Variants in POU6F2 observed in about 807,000 individuals in gnomAD.
POU6F2 encodes POU class 6 homeobox 2.
A neutral mutation model predicts 71.3 loss-of-function variants in POU6F2; 31 were observed. The observed-to-expected ratio is 0.43, with a 90% CI of 0.33 to 0.59. The LOEUF is 0.59. Among genes scored for constraint, POU6F2 ranks in the 20% least tolerant of loss-of-function variants. POU6F2 has a pLI of 0.04. For synonymous variants in POU6F2, 347 were observed against 355.7 expected (o/e 0.98, Z 0.27); for missense variants, 783 against 856.8 (o/e 0.91, Z 1.07).
chr7:39,171,479 T>G (rs1793218122), intron 2 of POU6F2, among the ~76,000 whole-genome samples: 2 of 152,200 alleles, frequency 1.3e-5, no homozygotes, highest in Non-Finnish European at 2.9e-5. Flanking sequence ...TATTTAGATT[T>G]AGATTTTTCT....
chr7:39,209,214 A>G (rs1056787272), intron 4 of POU6F2, among the ~76,000 whole-genome samples: 12 of 152,150 alleles, frequency 7.9e-5, no homozygotes, highest in African/African-American at 2.4e-4. Flanking sequence ...ATCAAAGTTC[A>G]TTATTAGCGT....
At chr7:39,430,938 T>C (rs139783803) in intron 6 of POU6F2, among the ~76,000 whole-genome samples, 37 of 152,290 alleles carry the variant, frequency 2.4e-4, no homozygotes, top group Middle Eastern at 6.8e-3. Context: ...TTATCCAACA[T>C]AAGCTGAAGA....
At chr7:39,390,148 C>G (rs1482399854) in intron 5 of POU6F2, among the ~76,000 whole-genome samples, 1 of 152,048 alleles carries the variant, frequency 6.6e-6, no homozygotes, top group African/African-American at 2.4e-5. Context: ...GGAATCCCAG[C>G]ACTTTGGGAG....
intron 1 of POU6F2, among the ~76,000 whole-genome samples, chr7:39,000,877 T>C (rs941424608): frequency 2.0e-5 from 3 of 152,172 alleles, no homozygotes; most frequent in African/African-American, 4.8e-5. Flanking sequence ...ACCTTGGTCC[T>C]TGGCAAGCAA....
intron 2 of POU6F2, among the ~76,000 whole-genome samples, chr7:39,189,670 G>A (rs1471921299): frequency 6.6e-6 from 1 of 152,178 alleles, no homozygotes; most frequent in Admixed American, 6.5e-5. Flanking sequence ...AAAGTGCTGG[G>A]ATTACAGGTG....
intron 4 of POU6F2, among the ~76,000 whole-genome samples, chr7:39,284,537 A>G (rs1042231288): frequency 2.0e-5 from 3 of 152,256 alleles, no homozygotes; most frequent in African/African-American, 4.8e-5. Flanking sequence ...TTGTTCATAA[A>G]TATACTGACA....
intron 5 of POU6F2, among the ~76,000 whole-genome samples, chr7:39,370,140 G>A (rs1786579996): frequency 6.6e-6 from 1 of 152,036 alleles, no homozygotes; most frequent in Admixed American, 6.5e-5. Flanking sequence ...ATATCTCCGA[G>A]GTATGCCTGC....
rs531505834 is a variant in POU6F2, at chr7:39,187,751, C to G, written c.278-16484C>G. On this transcript the variant is annotated intron_variant, in intron 2 of 9. Coordinates refer to ENST00000518318, the MANE Select transcript of POU6F2 (RefSeq NM_001370959.1). ...ACCAGAGCTTTTGAGAAGAAAATGCCGAGTTTTTTTGGACCTGTGGGAGAT... is the reference window on the plus strand; with the variant it reads ...ACCAGAGCTTTTGAGAAGAAAATGCGGAGTTTTTTTGGACCTGTGGGAGAT... 1.0e-3 allele frequency among the ~76,000 whole-genome samples: 155 copies of G among 152,234 alleles called. 1 individual carries two copies. The highest frequency in any genetic ancestry group is 3.7e-3 in the African/African-American group (155 of 41,512).
intron 2 of POU6F2, among the ~76,000 whole-genome samples, chr7:39,111,851 AT>A (rs986307277): frequency 4.7e-5 from 7 of 149,998 alleles, no homozygotes; most frequent in East Asian, 1.9e-4. Context: ...ATATTGGCAG[AT>A]TTTTTTTTTA....
At chr7:39,234,506 G>A (rs1280941346) in intron 4 of POU6F2, among the ~76,000 whole-genome samples, 1 of 151,792 alleles carries the variant, frequency 6.6e-6, no homozygotes, top group Non-Finnish European at 1.5e-5. Context: ...TTTTTCAGGT[G>A]AAGACAAAAT....
chr7:39,303,543 C>T (rs1784993342), intron 4 of POU6F2, among the ~76,000 whole-genome samples: 1 of 152,152 alleles, frequency 6.6e-6, no homozygotes, highest in African/African-American at 2.4e-5. Flanking sequence ...CTCTATTTTT[C>T]ACAATATGCT....
chr7:39,382,212 A>G (rs1345171692), intron 5 of POU6F2, among the ~76,000 whole-genome samples: 1 of 152,174 alleles, frequency 6.6e-6, no homozygotes, highest in East Asian at 1.9e-4. Context: ...CAAGAGAAAA[A>G]GGTGCTTTTC....
intron 5 of POU6F2, among the ~76,000 whole-genome samples, chr7:39,362,438 C>T (rs1266649264): frequency 1.3e-5 from 2 of 152,164 alleles, no homozygotes; most frequent in Admixed American, 6.5e-5. Context: ...CAGAAGGACT[C>T]ATGGAATACT....
At chr7:39,454,712 AT>A (rs1562559130) in intron 8 of POU6F2, among the ~76,000 whole-genome samples, 16 of 85,168 alleles carry the variant, frequency 1.9e-4, no homozygotes, top group African/African-American at 3.0e-4. Context: ...ATATATATAT[AT>A]ATATATATAT....
At chr7:39,080,079 A>C in intron 1 of POU6F2, among the ~76,000 whole-genome samples, 1 of 152,208 alleles carries the variant, frequency 6.6e-6, no homozygotes, top group Admixed American at 6.5e-5. Flanking sequence ...TACGTCAATA[A>C]AAAACACATA....
At chr7:39,346,943 A>G (rs1216391348) in intron 5 of POU6F2, among the ~76,000 whole-genome samples, 2 of 152,172 alleles carry the variant, frequency 1.3e-5, no homozygotes, top group Non-Finnish European at 1.5e-5. Context: ...TGTGCTGTGC[A>G]TTGTCCTGGA....
intron 4 of POU6F2, among the ~76,000 whole-genome samples, chr7:39,259,476 T>G (rs548725100): frequency 6.6e-6 from 1 of 151,946 alleles, no homozygotes; most frequent in Non-Finnish European, 1.5e-5. Flanking sequence ...CCAAAGACTG[T>G]GGGAAGTCAA....
In POU6F2 at chr7:39,176,359, T is replaced by G. The variant is rs1030907665; in HGVS notation, c.278-27876T>G. On this transcript the variant is annotated intron_variant, in intron 2 of 9. Coordinates refer to ENST00000518318, the MANE Select transcript of POU6F2 (RefSeq NM_001370959.1). ...CGAGGAAAAATTGCTCTGTAAGGAA[T>G]GTTAATTTTATCTTTAATGCTACAA... 4.6e-5 allele frequency among the ~76,000 whole-genome samples: 7 copies of G among 152,218 alleles called. No individual in the cohort carries two copies. The East Asian group carries it at 1.3e-3, about 29-fold the overall frequency.
chr7:39,295,941 T>G (rs527270049), intron 4 of POU6F2, among the ~76,000 whole-genome samples: 5 of 152,206 alleles, frequency 3.3e-5, no homozygotes, highest in Non-Finnish European at 5.9e-5. Flanking sequence ...TTATCAGCCC[T>G]TCACACTTTA....
Sources: gnomAD v4.1 joint callset for allele counts (sites outside exome capture counted in the v4.1 genomes callset) on GRCh38, gnomAD v4.1.1 for gene constraint, MANE v1.5 for transcripts, NCBI Gene and HGNC (gene_info 2026-07-23, HGNC 2026-07-21) for gene names.